SMYD3: variants seen among roughly 807,000 people sequenced by gnomAD.
SMYD3 encodes the protein SET and MYND domain containing 3, also known as histone-lysine N-methyltransferase SMYD3.
Under a neutral mutation model 57.7 loss-of-function variants are expected in SMYD3, and 36 were observed. That is an observed-to-expected ratio of 0.62 (90% CI 0.48 to 0.82). The LOEUF is 0.82. Among genes scored for constraint, SMYD3 ranks in the 40% least tolerant of loss-of-function variants. The pLI, the probability that SMYD3 is intolerant of heterozygous loss-of-function variation, is 0.00. For synonymous variants in SMYD3, 211 were observed against 195.0 expected, an observed-to-expected ratio of 1.08 and a Z score of -0.68; for missense variants, 515 against 538.8, an observed-to-expected ratio of 0.96 and a Z score of 0.44.
rs894973839 is a variant in SMYD3, at chr1:246,217,062, G to A, written c.531+110139C>T. Among the ~76,000 whole-genome samples, 6 of 152,076 alleles carry A rather than the reference G, an allele frequency of 3.9e-5. No homozygotes were observed. The East Asian group carries it at 1.2e-3, about 29-fold the overall frequency. On this transcript the variant is annotated intron_variant, in intron 5 of 11. Transcript: ENST00000490107. ...GTTCTCAATCTAGACCCTAAATACT[G>A]GACAGAGGGGGATAATTTTTTTCTA... is the stretch of plus-strand genomic sequence containing the variant.
intron 5 of SMYD3, among the ~76,000 whole-genome samples, chr1:246,175,532 T>G (rs1003050503): frequency 1.3e-5 from 2 of 152,244 alleles, no homozygotes; most frequent in Admixed American, 6.5e-5. Flanking sequence ...AATATTCAAA[T>G]CTAACTTCTT....
At chr1:245,882,927 C>A (rs1028823983) in intron 8 of SMYD3, among the ~76,000 whole-genome samples, 4 of 152,140 alleles carry the variant, frequency 2.6e-5, no homozygotes, top group African/African-American at 9.7e-5. Flanking sequence ...CTTATATGGG[C>A]AAACTGTTTT....
intron 5 of SMYD3, among the ~76,000 whole-genome samples, chr1:246,112,822 C>G (rs1443962697): frequency 6.6e-6 from 1 of 152,160 alleles, no homozygotes; most frequent in Non-Finnish European, 1.5e-5. Flanking sequence ...AGAAATAATT[C>G]AGCATCTTGA....
intron 1 of SMYD3, among the ~76,000 whole-genome samples, chr1:246,444,327 T>C (rs550583973): frequency 2.6e-5 from 4 of 152,244 alleles, no homozygotes; most frequent in Admixed American, 2.6e-4. Context: ...GGTTTCACCA[T>C]GTTGGCCAGA....
At chr1:246,135,326 A>C (rs181480539) in intron 5 of SMYD3, among the ~76,000 whole-genome samples, 21 of 152,252 alleles carry the variant, frequency 1.4e-4, no homozygotes, top group Non-Finnish European at 1.9e-4. Flanking sequence ...TTTTTTATTA[A>C]TTAATATTGT....
intron 5 of SMYD3, among the ~76,000 whole-genome samples, chr1:246,221,354 T>C (rs1357374997): frequency 6.6e-6 from 1 of 152,184 alleles, no homozygotes; most frequent in Non-Finnish European, 1.5e-5. Context: ...TCATTCTTCC[T>C]GGTCACAGGA....
At position 245,858,580 on chromosome 1, in the gene SMYD3, A is replaced by C; in HGVS notation, c.992T>G (p.Leu331Arg). Residue 331 changes from leucine to arginine, a missense_variant, in exon 10 of 12, where the codon CTC becomes CGC. Leu to Arg is a moderately radical substitution (Grantham distance 102). Coordinates refer to ENST00000490107, the MANE Select transcript of SMYD3 (RefSeq NM_001167740.2). ...PDINIYQLKV[L>R]DCAMDACINL... ...GATGCAGGCATCCATGGCGCAGTCG[A>C]GCACCTTCAGCTGGTAGATGTTGAT... is the stretch of plus-strand genomic sequence containing the variant. 6.2e-7 allele frequency: 1 copy of C among 1,614,216 alleles called. No individual in the cohort carries two copies. Among genetic ancestry groups the C allele is most frequent in the East Asian group, 2.2e-5 (1 of 44,878 alleles).
At chr1:246,284,167 A>G (rs1045592721) in intron 5 of SMYD3, among the ~76,000 whole-genome samples, 12 of 152,304 alleles carry the variant, frequency 7.9e-5, no homozygotes, top group African/African-American at 2.9e-4. Flanking sequence ...GATGCTGCAT[A>G]TCAGCTACTT....
intron 5 of SMYD3, among the ~76,000 whole-genome samples, chr1:245,949,342 C>A (rs1195717075): frequency 6.6e-6 from 1 of 152,156 alleles, no homozygotes; most frequent in African/African-American, 2.4e-5. Context: ...AGGACTGGTG[C>A]GCCCGGGGTC....
chr1:246,063,332 T>C (rs1341774432), intron 5 of SMYD3, among the ~76,000 whole-genome samples: 1 of 152,136 alleles, frequency 6.6e-6, no homozygotes, highest in Non-Finnish European at 1.5e-5. Context: ...CCAGGGTCTT[T>C]ATTGGAGTTC....
chr1:246,472,899 T>C (rs1298058078), intron 1 of SMYD3, among the ~76,000 whole-genome samples: 1 of 140,532 alleles, frequency 7.1e-6, no homozygotes, highest in East Asian at 2.2e-4. Context: ...ACTCTGTCAC[T>C]GAAGCTGGAC....
intron 5 of SMYD3, among the ~76,000 whole-genome samples, chr1:246,032,530 T>G (rs539230365): frequency 6.6e-6 from 1 of 152,316 alleles, no homozygotes; most frequent in Admixed American, 6.5e-5. Context: ...GGCTCTGCCC[T>G]TGATTCACTG....
At chr1:246,404,104 C>G (rs2102973385) in intron 1 of SMYD3, among the ~76,000 whole-genome samples, 1 of 152,298 alleles carries the variant, frequency 6.6e-6, no homozygotes, top group African/African-American at 2.4e-5. Context: ...ATTGACCTAT[C>G]TTAAATTCGA....
At chr1:246,434,395 A>C (rs759971305) in intron 1 of SMYD3, among the ~76,000 whole-genome samples, 17 of 152,238 alleles carry the variant, frequency 1.1e-4, no homozygotes, top group Non-Finnish European at 2.4e-4. Context: ...GAATTTGTCT[A>C]TTTGTCATCC....
At chr1:245,894,247 CA>C (rs1442482835) in intron 8 of SMYD3, among the ~76,000 whole-genome samples, 2 of 131,666 alleles carry the variant, frequency 1.5e-5, no homozygotes, top group Non-Finnish European at 3.3e-5. Context: ...TAAAATGGAC[CA>C]ATCAGCACCC....
At chr1:246,246,484 T>A (rs1420626971) in intron 5 of SMYD3, among the ~76,000 whole-genome samples, 1 of 152,190 alleles carries the variant, frequency 6.6e-6, no homozygotes, top group Non-Finnish European at 1.5e-5. Context: ...GAAGTCATTA[T>A]CATAAGTGGA....
intron 2 of SMYD3, among the ~76,000 whole-genome samples, chr1:246,341,255 T>G (rs946861894): frequency 6.6e-6 from 1 of 152,202 alleles, no homozygotes; most frequent in Non-Finnish European, 1.5e-5. Context: ...CTTCTTAACT[T>G]TTTAATGTTT....
intron 1 of SMYD3, among the ~76,000 whole-genome samples, chr1:246,444,939 G>A (rs1475248061): frequency 6.6e-6 from 1 of 152,132 alleles, no homozygotes; most frequent in African/African-American, 2.4e-5. Flanking sequence ...AGAAAGTCTG[G>A]GGTTTGGATT....
chr1:245,859,042 CTGTT>C (rs1459045285), intron 9 of SMYD3, among the ~76,000 whole-genome samples: 1 of 152,152 alleles, frequency 6.6e-6, no homozygotes, highest in Admixed American at 6.5e-5. Flanking sequence ...ATTATTTACT[CTGTT>C]AGCTTCTGTT....
Sources: allele counts gnomAD v4.1 joint callset (sites outside exome capture counted in the v4.1 genomes callset), GRCh38; gene constraint gnomAD v4.1.1; transcripts MANE v1.5; gene names NCBI Gene and HGNC (gene_info 2026-07-23, HGNC 2026-07-21).